The following NRG1 variants were observed in gnomAD, a reference collection of about 807,000 sequenced individuals.
The protein encoded by NRG1 is neuregulin 1.
Under a neutral mutation model 63.8 loss-of-function variants are expected in NRG1, and 18 were observed. The ratio of observed to expected loss-of-function variants is 0.28; its 90% confidence interval spans 0.19 to 0.42. The LOEUF (loss-of-function observed/expected upper bound fraction) is 0.42, where lower values mean the gene tolerates loss of function less well. Among genes scored for constraint, NRG1 ranks in the 10% least tolerant of loss-of-function variants. The pLI is 1.00. For missense variants in NRG1, 762 were observed against 814.7 expected, an observed-to-expected ratio of 0.94 and a Z score of 0.79; for synonymous variants, 302 against 301.3, an observed-to-expected ratio of 1.00 and a Z score of -0.02.
intron 1 of NRG1, among the ~76,000 whole-genome samples, chr8:32,554,760 C>T (rs1834788833): frequency 6.6e-6 from 1 of 152,046 alleles, no homozygotes; most frequent in Non-Finnish European, 1.5e-5. Flanking sequence ...TTTTTCAGTC[C>T]AAGTCAAGTG....
chr8:31,954,236 C>T (rs1803989316), intron 1 of NRG1, among the ~76,000 whole-genome samples: 1 of 152,126 alleles, frequency 6.6e-6, no homozygotes, highest in South Asian at 2.1e-4. Context: ...TCCATTCCAA[C>T]CCCCATTTAG....
chr8:31,865,204 G>A (rs78493077), intron 1 of NRG1, among the ~76,000 whole-genome samples: 2 of 152,068 alleles, frequency 1.3e-5, no homozygotes. Context: ...TAAATAGTGT[G>A]AGGAAACCCC....
At chr8:32,297,836 A>C (rs1231116387) in intron 1 of NRG1, among the ~76,000 whole-genome samples, 1 of 152,246 alleles carries the variant, frequency 6.6e-6, no homozygotes, top group Non-Finnish European at 1.5e-5. Flanking sequence ...GGTGGACCTC[A>C]AGAACTGTCT....
chr8:31,829,736 GA>G (rs1201434899), intron 1 of NRG1, among the ~76,000 whole-genome samples: 3 of 152,150 alleles, frequency 2.0e-5, no homozygotes, highest in African/African-American at 7.2e-5. Context: ...GTGGTTTTAT[GA>G]CCATACGTAG....
intron 5 of NRG1, among the ~76,000 whole-genome samples, chr8:32,625,447 C>G (rs1849045897): frequency 6.6e-6 from 1 of 152,214 alleles, no homozygotes; most frequent in Non-Finnish European, 1.5e-5. Context: ...TATTCTAGCA[C>G]TACCTCTTGA....
intron 1 of NRG1, among the ~76,000 whole-genome samples, chr8:32,230,401 C>G (rs962455358): frequency 6.6e-6 from 1 of 152,160 alleles, no homozygotes; most frequent in African/African-American, 2.4e-5. Context: ...TTGCTCTCTT[C>G]CTGCCACCCC....
chr8:31,699,200 T>TA (rs1360142084), intron 1 of NRG1, among the ~76,000 whole-genome samples: 3 of 151,316 alleles, frequency 2.0e-5, no homozygotes, highest in Non-Finnish European at 4.4e-5. Flanking sequence ...TTAATAACAT[T>TA]TTTTTCCTCA....
At chr8:32,548,584 G>T in exon 1 of NRG1, 23 of 1,309,122 alleles carry the variant, frequency 1.8e-5, no homozygotes, top group Non-Finnish European at 2.2e-5. Flanking sequence ...AACGGGAGAC[G>T]CCCCCGCGCA....
At chr8:31,698,646 G>A (rs1378023681) in intron 1 of NRG1, among the ~76,000 whole-genome samples, 6 of 152,160 alleles carry the variant, frequency 3.9e-5, no homozygotes, top group East Asian at 1.9e-4. Context: ...GTTAGAAAGC[G>A]GGGTTATTAG....
intron 1 of NRG1, among the ~76,000 whole-genome samples, chr8:32,380,612 A>C (rs1810230237): frequency 6.6e-6 from 1 of 152,162 alleles, no homozygotes; most frequent in African/African-American, 2.4e-5. Context: ...GTGCTTCTAC[A>C]TCTCAGTAAA....
chr8:31,832,805 G>T (rs534057447), intron 1 of NRG1, among the ~76,000 whole-genome samples: 3 of 152,206 alleles, frequency 2.0e-5, no homozygotes, highest in Admixed American at 2.0e-4. Context: ...TATAAAACTT[G>T]TTATTGAAAT....
rs80060390 is a variant in NRG1, at chr8:32,045,712, G to A, written c.37+406281G>A. On this transcript the variant is annotated intron_variant, in intron 1 of 10. Transcript: ENST00000519301. ...GCAAAAGCAACTTACTGCAGAAAGG[G>A]TAATGTTCTAACAAATAGTAATGGA... Among the ~76,000 whole-genome samples, 1,136 of 151,956 alleles carry A rather than the reference G, an allele frequency of 7.5e-3. 94 individuals are homozygous for A. In the East Asian group the frequency reaches 0.19, roughly 26 times the overall value.
At chr8:31,657,034 T>C (rs1189706198) in intron 1 of NRG1, among the ~76,000 whole-genome samples, 1 of 152,216 alleles carries the variant, frequency 6.6e-6, no homozygotes. Context: ...AGTAATTGCG[T>C]GCATTTTTCC....
At chr8:31,991,378 C>CTCCTCTTCTTCTGCT (rs1554594925) in intron 1 of NRG1, among the ~76,000 whole-genome samples, 1 of 149,262 alleles carries the variant, frequency 6.7e-6, no homozygotes, top group Non-Finnish European at 1.5e-5. Context: ...CCTCCTCCTC[C>CTCCTCTTCTTCTGCT]TCTTCTTCTG....
At chr8:32,686,980 G>A (rs1183120627) in intron 5 of NRG1, among the ~76,000 whole-genome samples, 1 of 152,200 alleles carries the variant, frequency 6.6e-6, no homozygotes, top group Admixed American at 6.5e-5. Flanking sequence ...GCAAGAGCCT[G>A]TATGGTATCT....
chr8:32,054,776 A>T (rs1822566651), intron 1 of NRG1, among the ~76,000 whole-genome samples: 2 of 150,404 alleles, frequency 1.3e-5, no homozygotes, highest in Admixed American at 1.3e-4. Context: ...TCTCTTCAGC[A>T]TAATCTTCCA....
At chr8:31,818,515 C>T (rs1289731077) in intron 1 of NRG1, among the ~76,000 whole-genome samples, 1 of 152,102 alleles carries the variant, frequency 6.6e-6, no homozygotes, top group East Asian at 1.9e-4. Context: ...GAAACCGTTC[C>T]ACCTCAGATA....
At chr8:32,648,106 C>A in intron 5 of NRG1, 3 of 1,614,128 alleles carry the variant, frequency 1.9e-6, no homozygotes, top group Non-Finnish European at 2.5e-6. Flanking sequence ...GCAACTGCTG[C>A]CTCAGCTGTG....
intron 1 of NRG1, among the ~76,000 whole-genome samples, chr8:31,899,415 A>AT (rs1831882199): frequency 6.6e-6 from 1 of 152,030 alleles, no homozygotes; most frequent in South Asian, 2.1e-4. Flanking sequence ...TGGGACTTAT[A>AT]TTTTTAAGCA....
Sources: gnomAD v4.1 joint callset for allele counts (sites outside exome capture counted in the v4.1 genomes callset) on GRCh38, gnomAD v4.1.1 for gene constraint, MANE v1.5 for transcripts, NCBI Gene and HGNC (gene_info 2026-07-23, HGNC 2026-07-21) for gene names.